Variants in RBFOX1 observed in about 807,000 individuals in gnomAD.
RBFOX1 encodes the protein RNA binding protein fox-1 homolog 1.
Under a neutral mutation model 57.7 loss-of-function variants are expected in RBFOX1, and 8 were observed. The observed-to-expected ratio is 0.14, with a 90% CI of 0.08 to 0.25. The LOEUF (loss-of-function observed/expected upper bound fraction) is 0.25, where lower values mean the gene tolerates loss of function less well. RBFOX1 is among the 10% of genes least tolerant of loss of function. The pLI is 1.00. For missense variants in RBFOX1, 611 were observed against 548.5 expected (o/e 1.11, Z -1.14); for synonymous variants, 326 against 222.4 (o/e 1.47, Z -4.15).
chr16:5,668,544 G>A (rs1177709269), intron 3 of RBFOX1, among the ~76,000 whole-genome samples: 1 of 152,160 alleles, frequency 6.6e-6, no homozygotes, highest in Non-Finnish European at 1.5e-5. Flanking sequence ...TTAACAGGGT[G>A]GACTGAGGCT....
chr16:7,245,999 T>C (rs1471324038), intron 4 of RBFOX1, among the ~76,000 whole-genome samples: 1 of 151,728 alleles, frequency 6.6e-6, no homozygotes, highest in Non-Finnish European at 1.5e-5. Flanking sequence ...TAGAAATTTG[T>C]TTTTCCACTT....
intron 1 of RBFOX1, among the ~76,000 whole-genome samples, chr16:6,290,631 T>C (rs1055621414): frequency 1.3e-5 from 2 of 152,128 alleles, no homozygotes; most frequent in African/African-American, 4.8e-5. Flanking sequence ...AAAGTGAATT[T>C]AGCACACATG....
At chr16:5,932,076 A>G (rs767454377) in intron 4 of RBFOX1, among the ~76,000 whole-genome samples, 10 of 152,114 alleles carry the variant, frequency 6.6e-5, no homozygotes, top group Non-Finnish European at 1.5e-4. Context: ...AGTGTTGCGG[A>G]TTGCAGGAAT....
chr16:7,423,856 C>T (rs1050277673), intron 4 of RBFOX1, among the ~76,000 whole-genome samples: 1 of 152,112 alleles, frequency 6.6e-6, no homozygotes, highest in African/African-American at 2.4e-5. Context: ...GTGGAGGTGG[C>T]GCCATGCATT....
At chr16:5,539,459 GAAAAATACAAAA>G (rs2044842041) in intron 2 of RBFOX1, among the ~76,000 whole-genome samples, 1 of 134,246 alleles carries the variant, frequency 7.4e-6, no homozygotes. Context: ...GGGTGTAGTG[GAAAAATACAAAA>G]AAAAACACTT....
intron 2 of RBFOX1, among the ~76,000 whole-genome samples, chr16:6,381,601 A>G (rs1289852798): frequency 1.3e-5 from 2 of 152,106 alleles, no homozygotes; most frequent in African/African-American, 4.8e-5. Context: ...GCCTTTACCT[A>G]TTGGATGTCA....
intron 1 of RBFOX1, among the ~76,000 whole-genome samples, chr16:6,033,078 ACT>A (rs1270531761): frequency 6.6e-6 from 1 of 151,614 alleles, no homozygotes; most frequent in Non-Finnish European, 1.5e-5. Context: ...GTGATGAGAA[ACT>A]CTTGCAGTTT....
intron 3 of RBFOX1, among the ~76,000 whole-genome samples, chr16:6,877,742 A>T (rs2062108422): frequency 6.6e-6 from 1 of 152,286 alleles, no homozygotes; most frequent in African/African-American, 2.4e-5. Flanking sequence ...AGTAAGAATT[A>T]TTTCTGTAGG....
intron 5 of RBFOX1, among the ~76,000 whole-genome samples, chr16:7,564,540 C>CAAAAAAAAAAAAAAAAAAAAAAAA (rs5815409): frequency 1.2e-5 from 1 of 82,518 alleles, no homozygotes; most frequent in African/African-American, 9.6e-5. Context: ...GACTCCATCT[C>CAAAAAAAAAAAAAAAAAAAAAAAA]AAAAAAAAAA....
chr16:6,020,140 G>A, intron 1 of RBFOX1, 148 bp downstream of exon 1: 1 of 990,826 alleles, frequency 1.0e-6, no homozygotes, highest in African/African-American at 1.7e-5. Flanking sequence ...CTTTTTCAGG[G>A]TGTGTGGAAA....
intron 1 of RBFOX1, among the ~76,000 whole-genome samples, chr16:6,279,531 G>A (rs1377827433): frequency 6.6e-6 from 1 of 152,118 alleles, no homozygotes; most frequent in East Asian, 1.9e-4. Context: ...TGGGACTGAT[G>A]GATTTAATCC....
chr16:5,605,023 G>A (rs145303364), downstream of RBFOX1, among the ~76,000 whole-genome samples: 2,373 of 152,264 alleles, frequency 0.016, 59 homozygotes, highest in African/African-American at 0.054. Flanking sequence ...TACAGCCCGC[G>A]CACACACACC....
chr16:6,169,795 C>T (rs543636246), intron 1 of RBFOX1, among the ~76,000 whole-genome samples: 1 of 152,022 alleles, frequency 6.6e-6, no homozygotes, highest in Admixed American at 6.6e-5. Context: ...GGTGGAGTCT[C>T]CCTCTATCAC....
intron 3 of RBFOX1, among the ~76,000 whole-genome samples, chr16:6,874,312 AC>A (rs887911381): frequency 1.3e-5 from 2 of 151,966 alleles, no homozygotes; most frequent in Non-Finnish European, 2.9e-5. Flanking sequence ...GAGTTTTGAG[AC>A]CAGCCTGGCC....
chr16:7,702,673 C>T (rs539423511), intron 14 of RBFOX1, among the ~76,000 whole-genome samples: 2 of 152,280 alleles, frequency 1.3e-5, no homozygotes, highest in South Asian at 4.1e-4. Flanking sequence ...TTGGCTGTGA[C>T]TCCTTTCCAG....
At chr16:6,029,010 A>G (rs1405323211) in intron 1 of RBFOX1, among the ~76,000 whole-genome samples, 1 of 152,184 alleles carries the variant, frequency 6.6e-6, no homozygotes, top group Non-Finnish European at 1.5e-5. Flanking sequence ...AAGGCAAATG[A>G]TTCTGTCTCC....
chr16:6,421,584 A>G (rs534035437), intron 2 of RBFOX1, among the ~76,000 whole-genome samples: 2 of 152,232 alleles, frequency 1.3e-5, no homozygotes, highest in African/African-American at 4.8e-5. Flanking sequence ...TATATTTTGC[A>G]TAATGTGGAA....
Position 5,441,363 on chromosome 16 carries a change from G to GTTT in RBFOX1, c.220-25836_220-25834dup, listed in dbSNP as rs34446326. Reference sequence around the variant, plus strand: ...CTGGTTAATTTATAAAGGAAAGAGGGTTTTTTTTTTTTTTTTTTTGAGACA... The same window carrying GTTT: ...CTGGTTAATTTATAAAGGAAAGAGGGTTTTTTTTTTTTTTTTTTTTTTGAGACA... On this transcript the variant is annotated intron_variant, in intron 1 of 2. Transcript: ENST00000585867. Among the ~76,000 whole-genome samples the GTTT allele has an allele frequency of 3.1e-4, 35 of 111,746 alleles. 1 individual carries two copies. Among genetic ancestry groups the GTTT allele is most frequent in the Admixed American group, 6.5e-4 (7 of 10,722 alleles). The allele number at this position is 111,746 out of a possible 152,430, so 73.3% of individuals were successfully genotyped here.
intron 2 of RBFOX1, among the ~76,000 whole-genome samples, chr16:6,513,752 C>CA (rs201934725): frequency 0.086 from 12,970 of 150,698 alleles, 648 homozygotes; most frequent in Middle Eastern, 0.13. Context: ...AACAAACAAA[C>CA]AAAAAAAAAC....
Sources: allele counts gnomAD v4.1 joint callset (sites outside exome capture counted in the v4.1 genomes callset), GRCh38; gene constraint gnomAD v4.1.1; transcripts MANE v1.5; gene names NCBI Gene and HGNC (gene_info 2026-07-23, HGNC 2026-07-21).